Variants in STXBP6 observed in about 807,000 individuals in gnomAD.
STXBP6 encodes the protein syntaxin binding protein 6.
In STXBP6, 21 loss-of-function variants were observed where a neutral mutation model predicts 26.9. The ratio of observed to expected loss-of-function variants is 0.78; its 90% CI spans 0.55 to 1.12. The LOEUF is 1.12. Among genes scored for constraint, STXBP6 ranks in the 50% most tolerant of loss-of-function variants. STXBP6 has a pLI of 0.00. For missense variants in STXBP6, 232 were observed against 257.9 expected (o/e 0.90, Z 0.69); for synonymous variants, 97 against 92.6 (o/e 1.05, Z -0.27).
Position 24,838,749 on chromosome 14 carries a change from A to G in STXBP6, c.451+17187T>C, listed in dbSNP as rs184715669. ...AGGGCCCTTTCATGTCTTATTAAGCACCTAGAGGCTAATAATTCCTTTTAG... is the reference window on the plus strand; with the variant it reads ...AGGGCCCTTTCATGTCTTATTAAGCGCCTAGAGGCTAATAATTCCTTTTAG... On this transcript the variant is annotated intron_variant, in intron 4 of 5. Coordinates refer to ENST00000323944, the MANE Select transcript of STXBP6 (RefSeq NM_001394410.1). Among the ~76,000 whole-genome samples, 4 of 152,218 alleles carry G rather than the reference A, an allele frequency of 2.6e-5. No homozygotes were observed. In the East Asian group the frequency reaches 7.7e-4, roughly 29 times the overall value.
At chr14:25,020,750 C>T (rs1347573642) in intron 1 of STXBP6, among the ~76,000 whole-genome samples, 3 of 152,206 alleles carry the variant, frequency 2.0e-5, no homozygotes, top group Admixed American at 6.5e-5. Flanking sequence ...TCCCTTCTCA[C>T]TCAGCTTCCT....
chr14:24,855,492 T>C (rs2069296696), intron 4 of STXBP6, among the ~76,000 whole-genome samples: 1 of 152,124 alleles, frequency 6.6e-6, no homozygotes, highest in African/African-American at 2.4e-5. Context: ...CACGAGTTGC[T>C]TTTGAAAGAA....
chr14:24,990,049 G>T (rs1488994857), intron 1 of STXBP6, among the ~76,000 whole-genome samples: 1 of 152,178 alleles, frequency 6.6e-6, no homozygotes, highest in African/African-American at 2.4e-5. Context: ...AGCAAGAGCT[G>T]ACTATGACTT....
At chr14:24,978,546 A>C (rs2048819199) in intron 1 of STXBP6, among the ~76,000 whole-genome samples, 1 of 152,212 alleles carries the variant, frequency 6.6e-6, no homozygotes, top group South Asian at 2.1e-4. Flanking sequence ...GCAATGGTAC[A>C]CCAATGATCA....
At chr14:24,882,246 G>T (rs1366027577) in intron 2 of STXBP6, among the ~76,000 whole-genome samples, 1 of 149,226 alleles carries the variant, frequency 6.7e-6, no homozygotes, top group Non-Finnish European at 1.5e-5. Context: ...GGGCGTAGTG[G>T]CGGGCGCCTG....
At chr14:25,012,474 G>C (rs1806794313) in intron 1 of STXBP6, among the ~76,000 whole-genome samples, 1 of 152,080 alleles carries the variant, frequency 6.6e-6, no homozygotes, top group Non-Finnish European at 1.5e-5. Context: ...AGTGCCAGTA[G>C]TCCCAGCTAT....
chr14:24,841,515 T>C (rs1052637689), intron 4 of STXBP6, among the ~76,000 whole-genome samples: 1 of 152,208 alleles, frequency 6.6e-6, no homozygotes, highest in Non-Finnish European at 1.5e-5. Flanking sequence ...TTTTCTGCCA[T>C]TCTTAAACCT....
intron 4 of STXBP6, among the ~76,000 whole-genome samples, chr14:24,830,129 GA>G (rs1244160087): frequency 6.6e-6 from 1 of 152,056 alleles, no homozygotes; most frequent in African/African-American, 2.4e-5. Flanking sequence ...ATAGAAGGGG[GA>G]AAGTGGCTTG....
rs140915037 is a variant in STXBP6, at chr14:25,027,083, C to T, written c.-33+22795G>A. Among the ~76,000 whole-genome samples, 333 of 152,266 alleles carry T rather than the reference C, an allele frequency of 2.2e-3. 2 individuals are homozygous for T. The highest frequency in any genetic ancestry group is 7.3e-3 in the African/African-American group (305 of 41,552). ...ACATACAAACAATGGCATTCAGACA[C>T]GAAAATCAAGCTGTTGCAGACCAAT... is the stretch of plus-strand genomic sequence containing the variant. On this transcript the variant is annotated intron_variant, in intron 1 of 5. Coordinates refer to ENST00000323944, the MANE Select transcript of STXBP6 (RefSeq NM_001394410.1).
intron 2 of STXBP6, among the ~76,000 whole-genome samples, chr14:24,926,828 T>C (rs1250045665): frequency 6.6e-6 from 1 of 151,988 alleles, no homozygotes; most frequent in Non-Finnish European, 1.5e-5. Context: ...AAAGCAATAA[T>C]ACTGTGGCAT....
intron 2 of STXBP6, among the ~76,000 whole-genome samples, chr14:24,918,452 C>CACACACACA (rs2071850748): frequency 7.5e-6 from 1 of 133,398 alleles, no homozygotes; most frequent in Admixed American, 7.7e-5. Context: ...CACACCCCCA[C>CACACACACA]CACACACACA....
intron 2 of STXBP6, among the ~76,000 whole-genome samples, chr14:24,863,528 T>C (rs529299592): frequency 6.6e-6 from 1 of 152,208 alleles, no homozygotes; most frequent in South Asian, 2.1e-4. Flanking sequence ...TCCCAAGAAC[T>C]ACAAGTAAGA....
chr14:24,988,370 G>A (rs765124673), intron 1 of STXBP6, among the ~76,000 whole-genome samples: 11 of 152,120 alleles, frequency 7.2e-5, no homozygotes, highest in Non-Finnish European at 1.0e-4. Context: ...AAATTGTCTC[G>A]TTGAGGAGAA....
intron 2 of STXBP6, among the ~76,000 whole-genome samples, chr14:24,909,192 C>T (rs2071483487): frequency 1.3e-5 from 2 of 152,250 alleles, no homozygotes; most frequent in African/African-American, 4.8e-5. Context: ...AGGTGCTACA[C>T]ATTGGCACAT....
intron 2 of STXBP6, among the ~76,000 whole-genome samples, chr14:24,964,521 A>G (rs541560281): frequency 1.7e-4 from 26 of 152,224 alleles, no homozygotes; most frequent in African/African-American, 6.3e-4. Context: ...AGTACCTTCT[A>G]TGTATCAGGC....
chr14:25,050,145 T>A lies in STXBP6; in HGVS notation c.-300A>T. On this transcript the variant is annotated 5_prime_UTR_variant, in exon 1 of 6. Transcript: ENST00000323944. The stretch of plus-strand genomic sequence containing the variant: ...AGCCGCGCGCCCGCCCGCCGCCGAG[T>A]GCGAGCGCCTGCGAAGCAAACCTGC... The A allele has an allele frequency of 6.5e-6, 1 of 153,074 alleles. No homozygotes were observed. The highest frequency in any genetic ancestry group is 1.5e-5 in the Non-Finnish European group (1 of 68,900). 9.5% of individuals were successfully genotyped at this position (153,074 alleles called of 1,614,324 possible). A position where few individuals can be genotyped will look rare whatever the true frequency, so the allele number is the denominator to read the frequency against.
chr14:24,826,126 T>C (rs553094605), intron 4 of STXBP6, among the ~76,000 whole-genome samples: 1 of 152,320 alleles, frequency 6.6e-6, no homozygotes, highest in East Asian at 1.9e-4. Flanking sequence ...TCTAACACTC[T>C]AATAACTGTT....
intron 4 of STXBP6, among the ~76,000 whole-genome samples, chr14:24,833,721 T>A (rs1023999924): frequency 7.9e-5 from 12 of 152,230 alleles, no homozygotes; most frequent in African/African-American, 2.9e-4. Flanking sequence ...TTGGGAGGAT[T>A]TAAAACAAAT....
chr14:24,977,456 C>T (rs1220829055), intron 1 of STXBP6, among the ~76,000 whole-genome samples: 1 of 151,844 alleles, frequency 6.6e-6, no homozygotes, highest in African/African-American at 2.4e-5. Flanking sequence ...AAGCCAGTAA[C>T]TTCTTCATGG....
Sources: allele counts gnomAD v4.1 joint callset (sites outside exome capture counted in the v4.1 genomes callset), GRCh38; gene constraint gnomAD v4.1.1; transcripts MANE v1.5; gene names NCBI Gene and HGNC (gene_info 2026-07-23, HGNC 2026-07-21).